ATP11C: variants seen among roughly 807,000 people sequenced by gnomAD.
The protein encoded by ATP11C is phospholipid-transporting ATPase IG.
A neutral mutation model predicts 97.4 loss-of-function variants in ATP11C; 36 were observed. That is an observed-to-expected ratio of 0.37 (90% CI 0.28 to 0.49). ATP11C has a LOEUF of 0.49. Among genes scored for constraint, ATP11C ranks in the 20% least tolerant of loss-of-function variants. The probability of loss-of-function intolerance (pLI) is 0.98; values close to 1 mark genes in which losing one functional copy is unlikely to be tolerated. For synonymous variants in ATP11C, 275 were observed against 290.9 expected, an observed-to-expected ratio of 0.95 and a Z score of 0.56; for missense variants, 730 against 824.6, an observed-to-expected ratio of 0.89 and a Z score of 1.40.
chrX:139,812,615 G>T (rs1369146216), intron 5 of ATP11C, among the ~76,000 whole-genome samples: 2 of 108,010 alleles, frequency 1.9e-5, no homozygotes, highest in Non-Finnish European at 3.8e-5. Flanking sequence ...CTCGATCTCG[G>T]ATCACCGCAG....
intron 1 of ATP11C, among the ~76,000 whole-genome samples, chrX:139,925,591 C>T (rs756306339): frequency 2.0e-4 from 22 of 109,823 alleles, no homozygotes; most frequent in South Asian, 3.9e-4. Flanking sequence ...TGAACATCTA[C>T]TGTTTACCTG....
Position 139,732,204 on chromosome X carries a change from C to T in ATP11C, c.3289-449G>A, listed in dbSNP as rs186739590. Among the ~76,000 whole-genome samples the T allele has an allele frequency of 2.1e-4, 23 of 110,763 alleles. No homozygotes were observed. In the East Asian group the frequency reaches 4.9e-3, roughly 23 times the overall value. Reference sequence around the variant, plus strand: ...CTAACACGCCATGGCCACTGCATACCGTGGATCAATGAAGACTACAGACCC... The same window carrying T: ...CTAACACGCCATGGCCACTGCATACTGTGGATCAATGAAGACTACAGACCC... On this transcript the variant is annotated intron_variant, in intron 28 of 29. Coordinates refer to ENST00000682941, the MANE Select transcript of ATP11C (RefSeq NM_001353812.2).
intron 29 of ATP11C, among the ~76,000 whole-genome samples, chrX:139,729,344 T>C (rs185350020): frequency 4.7e-4 from 53 of 111,805 alleles, no homozygotes; most frequent in Admixed American, 4.4e-3. Context: ...CAGCTAGTAA[T>C]AGTGTCTGGC....
chrX:139,897,295 T>C (rs1173702856), intron 1 of ATP11C, among the ~76,000 whole-genome samples: 1 of 111,320 alleles, frequency 9.0e-6, no homozygotes, highest in Non-Finnish European at 1.9e-5. Flanking sequence ...TATGTATCAA[T>C]AAAAAATAAT....
Position 139,826,735 on chromosome X carries a change from C to T in ATP11C, c.116G>A (p.Arg39Lys), listed in dbSNP as rs763234673. ...TGAGACTATTCTATTATCACAAAATCTTTGTGCAATGTAAGCTTCTGTTTC... is the reference window on the plus strand; with the variant it reads ...TGAGACTATTCTATTATCACAAAATTTTTGTGCAATGTAAGCTTCTGTTTC... Reference protein sequence around the residue: ...VSETEAYIAQRFCDNRIVSSK... With the variant: ...VSETEAYIAQKFCDNRIVSSK... Residue 39 changes from arginine (R) to lysine (K), a missense_variant, in exon 2 of 30, where the codon AGA becomes AAA. Coordinates refer to ENST00000682941, the MANE Select transcript of ATP11C (RefSeq NM_001353812.2). 1.2e-5 allele frequency: 15 copies of T among 1,205,411 alleles called. No individual in the cohort carries two copies. The highest frequency in any genetic ancestry group is 8.8e-5 in the Admixed American group (4 of 45,652).
intron 1 of ATP11C, among the ~76,000 whole-genome samples, chrX:139,902,456 C>A (rs2084913358): frequency 2.7e-5 from 3 of 111,613 alleles, no homozygotes; most frequent in African/African-American, 9.8e-5. Context: ...AACATAACGA[C>A]TATAGTTTGT....
chrX:139,796,145 G>A, intron 12 of ATP11C, 128 bp downstream of exon 12: 1 of 442,255 alleles, frequency 2.3e-6, no homozygotes, highest in Non-Finnish European at 3.7e-6. Context: ...TTACATGCCT[G>A]CATTAAAGAA....
intron 28 of ATP11C, 130 bp from the exon 29 acceptor site, chrX:139,731,885 A>G: frequency 7.0e-6 from 2 of 287,497 alleles, no homozygotes; most frequent in Admixed American, 5.1e-5. Context: ...AAAAGTACAA[A>G]TGATTACACT....
intron 1 of ATP11C, among the ~76,000 whole-genome samples, chrX:139,850,016 G>A (rs1349575183): frequency 1.8e-5 from 2 of 111,925 alleles, no homozygotes; most frequent in African/African-American, 6.5e-5. Flanking sequence ...CTACCCTCCA[G>A]AATTGTTAGA....
intron 26 of ATP11C, among the ~76,000 whole-genome samples, chrX:139,742,572 A>G (rs1349912581): frequency 9.0e-6 from 1 of 110,898 alleles, no homozygotes; most frequent in African/African-American, 3.3e-5. Context: ...GAATTCATTT[A>G]AAGGTATTTA....
At position 139,782,613 on chromosome X, in the gene ATP11C, A is replaced by G; in HGVS notation, c.1886T>C (p.Met629Thr). Residue 629 changes from methionine to threonine, a missense_variant, in exon 18 of 30, where the codon ATG (methionine) becomes ACG (threonine). Met to Thr is a moderately conservative substitution (Grantham distance 81). Coordinates refer to ENST00000682941, the MANE Select transcript of ATP11C (RefSeq NM_001353812.2). ...KMALQDREEK[M>T]EKVFDDIETN... is the part of the protein sequence containing the mutation. ...CTCAATATCATCGAAAACTTTTTCC[A>G]TTTTTTCTTCTCTGTCTTGTAAGGC... The G allele has an allele frequency of 3.3e-6, 4 of 1,206,718 alleles. No individual in the cohort carries two copies. Among genetic ancestry groups the G allele is most frequent in the Non-Finnish European group, 4.5e-6 (4 of 892,336 alleles).
At chrX:139,922,641 C>T (rs913956845) in intron 1 of ATP11C, among the ~76,000 whole-genome samples, 2 of 110,390 alleles carry the variant, frequency 1.8e-5, no homozygotes, top group East Asian at 2.9e-4. Flanking sequence ...TGTGAAGATA[C>T]AATAAGTCAC....
At chrX:139,878,026 A>C (rs1302648173) in intron 1 of ATP11C, among the ~76,000 whole-genome samples, 1 of 111,502 alleles carries the variant, frequency 9.0e-6, no homozygotes, top group South Asian at 3.7e-4. Flanking sequence ...ACTCTGTCTC[A>C]AAGAGGAAAA....
In ATP11C at chrX:139,727,694, T is replaced by C. The variant is rs1306865715; in HGVS notation, c.*1272A>G. The C allele has an allele frequency of 4.5e-5, 5 of 111,144 alleles. No individual in the cohort carries two copies. The highest frequency in any genetic ancestry group is 3.3e-5 in the African/African-American group (1 of 30,607). The allele number at this position is 111,144 out of a possible 1,213,427, so 9.2% of individuals were successfully genotyped here. On this transcript the variant is annotated 3_prime_UTR_variant, in exon 30 of 30. Coordinates refer to ENST00000682941, the MANE Select transcript of ATP11C (RefSeq NM_001353812.2). Reference sequence around the variant, plus strand: ...AAAAACAAAAAAACTAGCAGTCAAATAAATATGGTCATTTATATCCAAAAA... The same window carrying C: ...AAAAACAAAAAAACTAGCAGTCAAACAAATATGGTCATTTATATCCAAAAA...
intron 2 of ATP11C, among the ~76,000 whole-genome samples, chrX:139,823,793 G>A: frequency 8.9e-6 from 1 of 111,930 alleles, no homozygotes; most frequent in Non-Finnish European, 1.9e-5. Flanking sequence ...AAAAGCAAAT[G>A]CCCGAAAACC....
rs187254086 is a variant in ATP11C, at chrX:139,915,385, T to A, written c.27+16631A>T. ...AAAAGTTATCAAAAGGACTTAAAAA[T>A]TACACCTGGCGTAGTGGCTCACACC... On this transcript the variant is annotated intron_variant, in intron 1 of 29. Coordinates refer to ENST00000682941, the MANE Select transcript of ATP11C (RefSeq NM_001353812.2). Among the ~76,000 whole-genome samples the A allele has an allele frequency of 5.5e-3, 613 of 111,802 alleles. 11 individuals are homozygous for A. Among genetic ancestry groups the A allele is most frequent in the African/African-American group, 0.018 (563 of 30,801 alleles).
At chrX:139,834,435 T>C (rs993380741) in intron 1 of ATP11C, among the ~76,000 whole-genome samples, 7 of 111,797 alleles carry the variant, frequency 6.3e-5, no homozygotes, top group African/African-American at 2.0e-4. Flanking sequence ...CTCCATCATC[T>C]CTTCCCTCTC....
At chrX:139,813,229 A>T (rs1006368088) in intron 5 of ATP11C, among the ~76,000 whole-genome samples, 2 of 112,284 alleles carry the variant, frequency 1.8e-5, no homozygotes, top group Non-Finnish European at 3.8e-5. Flanking sequence ...GTGAGATAGT[A>T]CTACACACCT....
rs1347930011 is a variant in ATP11C, at chrX:139,789,369, A to G, written c.1326T>C (p.Ser442=). The change falls in exon 13 of 30, where the codon TCT becomes TCC. Residue 442 remains serine, a synonymous_variant. Coordinates refer to ENST00000682941, the MANE Select transcript of ATP11C (RefSeq NM_001353812.2). The part of the protein sequence containing the change: ...KGVTQEVDGL[S]QTDGTLTYFD... ...AATATGTTAAAGTTCCATCAGTTTG[A>G]GATAATCCATCAACCTCTTGAGTTA... 2 of 1,207,053 alleles carry G rather than the reference A, an allele frequency of 1.7e-6. No individual in the cohort carries two copies. Among genetic ancestry groups the G allele is most frequent in the Non-Finnish European group, 1.1e-6 (1 of 892,613 alleles).
Sources: gnomAD v4.1 joint callset for allele counts (sites outside exome capture counted in the v4.1 genomes callset) on GRCh38, gnomAD v4.1.1 for gene constraint, MANE v1.5 for transcripts, NCBI Gene and HGNC (gene_info 2026-07-23, HGNC 2026-07-21) for gene names.